EPHA6: variants seen among roughly 807,000 people sequenced by gnomAD.
The protein encoded by EPHA6 is ephrin type-A receptor 6.
In EPHA6, 50 loss-of-function variants were observed where a neutral mutation model predicts 112.0. The ratio of observed to expected loss-of-function variants is 0.45; its 90% CI spans 0.36 to 0.56. The LOEUF (loss-of-function observed/expected upper bound fraction) is 0.56, where lower values mean the gene tolerates loss of function less well. EPHA6 is among the 20% of genes least tolerant of loss of function. EPHA6 has a pLI of 0.00. For synonymous variants in EPHA6, 529 were observed against 490.7 expected, an observed-to-expected ratio of 1.08 and a Z score of -1.03; for missense variants, 1,280 against 1,417.4, an observed-to-expected ratio of 0.90 and a Z score of 1.56.
intron 3 of EPHA6, among the ~76,000 whole-genome samples, chr3:97,065,142 G>A (rs770006198): frequency 3.3e-5 from 5 of 152,006 alleles, no homozygotes; most frequent in Non-Finnish European, 7.4e-5. Flanking sequence ...ATTTAGAATC[G>A]TTTAAAAGAT....
intron 3 of EPHA6, among the ~76,000 whole-genome samples, chr3:97,086,856 A>AT (rs1369820442): frequency 1.3e-5 from 2 of 152,108 alleles, no homozygotes; most frequent in African/African-American, 4.8e-5. Flanking sequence ...TAATTTATAG[A>AT]TTTTTTAAAA....
chr3:96,852,664 C>T (rs1398767806), intron 1 of EPHA6, among the ~76,000 whole-genome samples: 1 of 151,376 alleles, frequency 6.6e-6, no homozygotes, highest in Non-Finnish European at 1.5e-5. Flanking sequence ...AACCTGTTGC[C>T]CTCCACTCCA....
chr3:97,069,592 T>C (rs1448353362), intron 3 of EPHA6, among the ~76,000 whole-genome samples: 1 of 152,146 alleles, frequency 6.6e-6, no homozygotes, highest in Non-Finnish European at 1.5e-5. Flanking sequence ...GCTCTAACTC[T>C]TCATTAAGAA....
At chr3:97,031,930 AGC>A (rs2044864926) in intron 3 of EPHA6, among the ~76,000 whole-genome samples, 1 of 152,208 alleles carries the variant, frequency 6.6e-6, no homozygotes, top group Non-Finnish European at 1.5e-5. Flanking sequence ...CATTTGACCC[AGC>A]CATCCCGTTA....
At position 97,751,093 on chromosome 3, in the gene EPHA6, A is replaced by G. The variant is rs974931773; in HGVS notation, c.*2392A>G. Among the ~76,000 whole-genome samples, 1 of 152,144 alleles carries G rather than the reference A, an allele frequency of 6.6e-6. No homozygotes were observed. The highest frequency in any genetic ancestry group is 2.4e-5 in the African/African-American group (1 of 41,450). ...TTATTAATCATATATTTATTTTTATAATACAAAAAAGGTATTTAGGAAAAT... is the reference window on the plus strand; with the variant it reads ...TTATTAATCATATATTTATTTTTATGATACAAAAAAGGTATTTAGGAAAAT... On this transcript the variant is annotated 3_prime_UTR_variant, in exon 18 of 18. Transcript: ENST00000389672.
intron 5 of EPHA6, among the ~76,000 whole-genome samples, chr3:97,338,931 A>G (rs988812078): frequency 1.3e-5 from 2 of 152,184 alleles, no homozygotes; most frequent in African/African-American, 2.4e-5. Flanking sequence ...TTATTTCTCA[A>G]TCTCTGCCTC....
At chr3:97,601,542 A>G (rs1399524328) in intron 12 of EPHA6, among the ~76,000 whole-genome samples, 1 of 152,148 alleles carries the variant, frequency 6.6e-6, no homozygotes, top group Non-Finnish European at 1.5e-5. Flanking sequence ...TGTAGGACAA[A>G]TCACAGTGGA....
chr3:97,043,151 G>A (rs1320652747), intron 3 of EPHA6, among the ~76,000 whole-genome samples: 2 of 152,048 alleles, frequency 1.3e-5, no homozygotes, highest in Non-Finnish European at 2.9e-5. Context: ...CCCTAAATAT[G>A]TGGAAATTGA....
intron 2 of EPHA6, among the ~76,000 whole-genome samples, chr3:96,894,482 T>C (rs1041620730): frequency 2.0e-5 from 3 of 151,940 alleles, no homozygotes; most frequent in African/African-American, 4.8e-5. Flanking sequence ...TTTAGGAGGA[T>C]CTTTGTCCAT....
At chr3:97,498,712 G>A (rs2092044599) in intron 10 of EPHA6, among the ~76,000 whole-genome samples, 1 of 152,144 alleles carries the variant, frequency 6.6e-6, no homozygotes, top group Non-Finnish European at 1.5e-5. Flanking sequence ...CCTCCTGTCA[G>A]ATCAGTGGTG....
intron 14 of EPHA6, among the ~76,000 whole-genome samples, chr3:97,640,780 CA>C (rs932099888): frequency 1.4e-4 from 20 of 140,440 alleles, no homozygotes; most frequent in African/African-American, 2.6e-4. Flanking sequence ...AACTCCATTT[CA>C]AAAAAAAAAC....
At chr3:97,155,177 G>T (rs1203763997) in intron 3 of EPHA6, among the ~76,000 whole-genome samples, 1 of 152,156 alleles carries the variant, frequency 6.6e-6, no homozygotes, top group Non-Finnish European at 1.5e-5. Flanking sequence ...AGGCAATATT[G>T]AGGAAAGAAA....
intron 7 of EPHA6, 139 bp from the exon 8 acceptor site, chr3:97,475,213 G>A (rs75152677): frequency 4.4e-5 from 27 of 617,890 alleles, no homozygotes; most frequent in African/African-American, 7.5e-5. Flanking sequence ...TGCTTCATAC[G>A]TGTCAAATAC....
At chr3:97,049,599 G>T (rs539093444) in intron 3 of EPHA6, among the ~76,000 whole-genome samples, 2 of 152,280 alleles carry the variant, frequency 1.3e-5, no homozygotes, top group East Asian at 3.9e-4. Flanking sequence ...GTAAGTCTTA[G>T]TGAATTTTGG....
chr3:97,450,335 G>T (rs2090485191), intron 7 of EPHA6, among the ~76,000 whole-genome samples: 1 of 151,854 alleles, frequency 6.6e-6, no homozygotes, highest in Admixed American at 6.6e-5. Flanking sequence ...GTCTTTTTTA[G>T]GCTGTGTTTC....
intron 3 of EPHA6, among the ~76,000 whole-genome samples, chr3:96,997,482 T>C (rs1330484580): frequency 6.6e-6 from 1 of 151,902 alleles, no homozygotes; most frequent in Non-Finnish European, 1.5e-5. Flanking sequence ...CATTGTAGGG[T>C]TATTGGCTTA....
At chr3:97,742,193 C>A (rs1328023879) in intron 16 of EPHA6, among the ~76,000 whole-genome samples, 1 of 152,154 alleles carries the variant, frequency 6.6e-6, no homozygotes, top group Non-Finnish European at 1.5e-5. Flanking sequence ...CACTCTCCTG[C>A]TGAGTCCAGA....
intron 2 of EPHA6, among the ~76,000 whole-genome samples, chr3:96,947,546 G>T (rs997023033): frequency 6.6e-6 from 1 of 152,072 alleles, no homozygotes; most frequent in African/African-American, 2.4e-5. Flanking sequence ...CTATATCTCT[G>T]TTTTGGTACC....
rs2035824336 is a variant in EPHA6, at chr3:97,748,946, A to C, written c.*245A>C. ...TGCAGATTATTGCTACGCAATGGTA[A>C]ATAACTCAGCATGGATGTGTAATTT... is the stretch of plus-strand genomic sequence containing the variant. On this transcript the variant is annotated 3_prime_UTR_variant, in exon 18 of 18. Transcript: ENST00000389672. 2.1e-6 allele frequency: 1 copy of C among 482,358 alleles called. No individual in the cohort carries two copies. The highest frequency in any genetic ancestry group is 3.2e-5 in the Admixed American group (1 of 30,962). The allele number at this position is 482,358 out of a possible 1,614,324, so 29.9% of individuals were successfully genotyped here.
Sources: gnomAD v4.1 joint callset for allele counts (sites outside exome capture counted in the v4.1 genomes callset) on GRCh38, gnomAD v4.1.1 for gene constraint, MANE v1.5 for transcripts, NCBI Gene and HGNC (gene_info 2026-07-23, HGNC 2026-07-21) for gene names.